Variants in PTPRN2 observed in about 807,000 individuals in gnomAD.
PTPRN2 encodes receptor-type tyrosine-protein phosphatase N2.
In PTPRN2, 74 loss-of-function variants were observed where a neutral mutation model predicts 118.8. The ratio of observed to expected loss-of-function variants is 0.62; its 90% CI spans 0.52 to 0.76. PTPRN2 has a LOEUF of 0.76. Among genes scored for constraint, PTPRN2 ranks in the 30% least tolerant of loss-of-function variants. The pLI is 0.00. For synonymous variants in PTPRN2, 641 were observed against 608.0 expected (o/e 1.05, Z -0.80); for missense variants, 1,481 against 1,394.4 (o/e 1.06, Z -0.99).
chr7:158,424,970 C>T (rs546991962), intron 2 of PTPRN2, among the ~76,000 whole-genome samples: 72 of 152,312 alleles, frequency 4.7e-4, no homozygotes, highest in Non-Finnish European at 7.3e-5. Flanking sequence ...AGGTCTGGGG[C>T]CCGGGTGTTT....
At chr7:158,453,566 G>T (rs1818238482) in intron 2 of PTPRN2, among the ~76,000 whole-genome samples, 1 of 151,952 alleles carries the variant, frequency 6.6e-6, no homozygotes, top group African/African-American at 2.4e-5. Flanking sequence ...AAAAGTGGCA[G>T]CTGCCGCAGG....
At chr7:157,540,889 A>G (rs1025573135) in intron 22 of PTPRN2, 104 bp from the exon 23 acceptor site, 2 of 883,150 alleles carry the variant, frequency 2.3e-6, no homozygotes, top group South Asian at 3.2e-5. Flanking sequence ...CCCCTTCCCA[A>G]CGCAGCATCA....
chr7:158,365,369 A>G (rs988688920), intron 2 of PTPRN2, among the ~76,000 whole-genome samples: 1 of 151,958 alleles, frequency 6.6e-6, no homozygotes, highest in Non-Finnish European at 1.5e-5. Flanking sequence ...GATTTTTCCC[A>G]TCTGTCTTCC....
chr7:157,681,716 G>C (rs1002842756), intron 13 of PTPRN2, among the ~76,000 whole-genome samples: 1 of 152,222 alleles, frequency 6.6e-6, no homozygotes, highest in Non-Finnish European at 1.5e-5. Flanking sequence ...GTGCTGGAGG[G>C]CGCTTTGTGG....
chr7:157,672,575 G>A (rs1158575386), intron 13 of PTPRN2, among the ~76,000 whole-genome samples: 4 of 152,144 alleles, frequency 2.6e-5, no homozygotes, highest in African/African-American at 7.2e-5. Context: ...GGAAGATTGC[G>A]TTATTGTCCA....
chr7:158,177,351 C>G lies in PTPRN2; in HGVS notation c.550-10060G>C, dbSNP rs966899298. Among the ~76,000 whole-genome samples the G allele has an allele frequency of 2.6e-5, 4 of 152,034 alleles. No homozygotes were observed. In the South Asian group the frequency reaches 8.3e-4, roughly 32 times the overall value. ...TAAGCACCTTTGATGCCTTCATTGG[C>G]CATTTGTATATCTTTTTATGAAGTA... is the stretch of plus-strand genomic sequence containing the variant. On this transcript the variant is annotated intron_variant, in intron 5 of 22. Transcript: ENST00000389418.
In PTPRN2 at chr7:157,989,745, G is replaced by A. The variant is rs1203603295; in HGVS notation, c.1724-91008C>T. On this transcript the variant is annotated intron_variant, in intron 11 of 22. Transcript: ENST00000389418. Reference sequence around the variant, plus strand: ...GGCCGGAATGACACATCCTTGTCATGTCCACCCCACTTCACAGATGGGAAA... The same window carrying A: ...GGCCGGAATGACACATCCTTGTCATATCCACCCCACTTCACAGATGGGAAA... Among the ~76,000 whole-genome samples the A allele has an allele frequency of 5.3e-5, 8 of 152,088 alleles. No individual in the cohort carries two copies. In the South Asian group the frequency reaches 1.0e-3, roughly 20 times the overall value.
chr7:157,829,273 G>A (rs755800447), intron 12 of PTPRN2, among the ~76,000 whole-genome samples: 3 of 152,248 alleles, frequency 2.0e-5, no homozygotes, highest in Admixed American at 6.5e-5. Context: ...TGCTGCGAGT[G>A]TTGGGGCAGG....
intron 11 of PTPRN2, among the ~76,000 whole-genome samples, chr7:157,991,852 C>T (rs1278162682): frequency 6.6e-6 from 1 of 152,210 alleles, no homozygotes; most frequent in Admixed American, 6.5e-5. Flanking sequence ...CCAAGGGCAC[C>T]TAAGCGCTGA....
Position 157,813,821 on chromosome 7 carries a change from G to A in PTPRN2, c.1788+84852C>T, listed in dbSNP as rs149369696. ...CCTGAGTCAGAATGGCCTGGAGCGC[G>A]GGTAAAACAGCTCGGGGCCAGCCAG... On this transcript the variant is annotated intron_variant, in intron 12 of 22. Coordinates refer to ENST00000389418, the MANE Select transcript of PTPRN2 (RefSeq NM_002847.5). This position sits in a 1 kb window ranked among gnomAD's most constrained non-coding sequence, Gnocchi z 4.7. Among the ~76,000 whole-genome samples, 539 of 152,338 alleles carry A rather than the reference G, an allele frequency of 3.5e-3. 3 individuals are homozygous for A. Among genetic ancestry groups the A allele is most frequent in the African/African-American group, 0.012 (510 of 41,576 alleles).
intron 2 of PTPRN2, among the ~76,000 whole-genome samples, chr7:158,395,368 CGAGGGG>C (rs1456553507): frequency 7.4e-4 from 2 of 2,712 alleles, no homozygotes; most frequent in Non-Finnish European, 1.3e-3. Context: ...GGGCGAGGGG[CGAGGGG>C]GAGGCGCGAG....
At chr7:158,170,310 GCGTCCAAATCCCT>G (rs1243032278) in intron 5 of PTPRN2, among the ~76,000 whole-genome samples, 1 of 152,142 alleles carries the variant, frequency 6.6e-6, no homozygotes, top group Non-Finnish European at 1.5e-5. Flanking sequence ...GTGGGGATCT[GCGTCCAAATCCCT>G]CGTTATGTGC....
intron 11 of PTPRN2, among the ~76,000 whole-genome samples, chr7:157,943,769 G>A (rs1262366713): frequency 6.6e-6 from 1 of 152,130 alleles, no homozygotes; most frequent in East Asian, 1.9e-4. Context: ...CTCTGCTGAG[G>A]AAGTGCCATT....
intron 3 of PTPRN2, among the ~76,000 whole-genome samples, chr7:158,267,489 C>T (rs1429752000): frequency 1.3e-5 from 2 of 152,100 alleles, no homozygotes; most frequent in Admixed American, 6.5e-5. Flanking sequence ...GGTGTCAAAG[C>T]GATAGGAATT....
At chr7:158,145,570 G>A (rs1819866484) in intron 6 of PTPRN2, among the ~76,000 whole-genome samples, 1 of 152,238 alleles carries the variant, frequency 6.6e-6, no homozygotes. Flanking sequence ...TGAGCAGAAA[G>A]GCCATCAGGC....
intron 2 of PTPRN2, among the ~76,000 whole-genome samples, chr7:158,376,581 G>T (rs1586509372): frequency 1.2e-5 from 1 of 83,050 alleles, no homozygotes; most frequent in African/African-American, 5.1e-5. Context: ...GGGGTCAGGG[G>T]ACTCTCCCAC....
chr7:158,454,062 C>T lies in PTPRN2; in HGVS notation c.163+35673G>A, dbSNP rs113036138. On this transcript the variant is annotated intron_variant, in intron 2 of 22. Transcript: ENST00000389418. ...GCTATGGAGGACAGACAAGACACAA[C>T]GCACACAATCACCGATGTCAGGATT... 2.2e-4 allele frequency among the ~76,000 whole-genome samples: 31 copies of T among 141,240 alleles called. No individual in the cohort carries two copies. The South Asian group carries it at 4.6e-3, about 21-fold the overall frequency. 92.7% of individuals were successfully genotyped at this position (141,240 alleles called of 152,430 possible).
At chr7:157,776,465 C>T in intron 12 of PTPRN2, among the ~76,000 whole-genome samples, 1 of 149,120 alleles carries the variant, frequency 6.7e-6, no homozygotes, top group African/African-American at 2.5e-5. Flanking sequence ...CCTCCTCCCT[C>T]TCCTTCTCCC....
At chr7:157,913,991 G>A (rs780841885) in intron 11 of PTPRN2, among the ~76,000 whole-genome samples, 87 of 152,094 alleles carry the variant, frequency 5.7e-4, no homozygotes, top group Non-Finnish European at 1.2e-3. Flanking sequence ...TTGGCTACAG[G>A]GCTATTGGAG....
Sources: allele counts gnomAD v4.1 joint callset (sites outside exome capture counted in the v4.1 genomes callset), GRCh38; gene constraint gnomAD v4.1.1; non-coding constraint Gnocchi (gnomAD v3.1); transcripts MANE v1.5; gene names NCBI Gene and HGNC (gene_info 2026-07-23, HGNC 2026-07-21).